Variants in ANLN observed in about 807,000 individuals in gnomAD.
ANLN encodes the protein anillin, actin binding protein, also known as anillin.
A neutral mutation model predicts 135.1 loss-of-function variants in ANLN; 59 were observed. The observed-to-expected ratio is 0.44, with a 90% confidence interval of 0.35 to 0.54. ANLN has a LOEUF of 0.54. Ranked by LOEUF, ANLN falls within the 20% of genes least tolerant of loss-of-function variation. ANLN has a pLI of 0.00. For synonymous variants in ANLN, 406 were observed against 456.4 expected (o/e 0.89, Z 1.41); for missense variants, 1,182 against 1,340.0 (o/e 0.88, Z 1.84).
rs769696767 is a variant in ANLN, at chr7:36,411,049, A to G, written c.1288-10A>G. 4 of 1,574,380 alleles carry G rather than the reference A, an allele frequency of 2.5e-6. No individual in the cohort carries two copies. The highest frequency in any genetic ancestry group is 1.7e-4 in the Middle Eastern group (1 of 5,884). ...GCTCTTGTGTAAAATACAGCTTTTG[A>G]TGGGTTTAGGAACGTCAAAAAGAAC... On this transcript the variant is annotated splice_polypyrimidine_tract_variant and intron_variant, in intron 6 of 23. Coordinates refer to ENST00000265748, the MANE Select transcript of ANLN (RefSeq NM_018685.5).
chr7:36,420,998 G>A (rs900784959), intron 12 of ANLN, among the ~76,000 whole-genome samples: 1 of 151,954 alleles, frequency 6.6e-6, no homozygotes, highest in African/African-American at 2.4e-5. Context: ...TATCCTTAAA[G>A]TATAACTATT....
chr7:36,448,117 C>T lies in ANLN; in HGVS notation c.3079-1548C>T, dbSNP rs548175903. Among the ~76,000 whole-genome samples, 47 of 152,176 alleles carry T rather than the reference C, an allele frequency of 3.1e-4. 1 individual carries two copies. The highest frequency in any genetic ancestry group is 1.1e-3 in the African/African-American group (45 of 41,512). ...GCAACCTTTGCCTCCTGGGCTCAAG[C>T]GATTCTCTGCCTCAGCCTCCCGAGT... On this transcript the variant is annotated intron_variant, in intron 22 of 23. Transcript: ENST00000265748.
intron 22 of ANLN, among the ~76,000 whole-genome samples, chr7:36,446,746 A>G (rs1234138430): frequency 6.6e-6 from 1 of 152,186 alleles, no homozygotes; most frequent in Non-Finnish European, 1.5e-5. Flanking sequence ...ATTCAACATG[A>G]GATCTGGGTG....
intron 20 of ANLN, among the ~76,000 whole-genome samples, chr7:36,431,433 T>C (rs1788301407): frequency 1.3e-5 from 2 of 151,848 alleles, no homozygotes; most frequent in Non-Finnish European, 2.9e-5. Flanking sequence ...CCATTCTTTT[T>C]CCCTGGGCAA....
At chr7:36,431,804 C>T (rs537800979) in intron 20 of ANLN, among the ~76,000 whole-genome samples, 1 of 151,652 alleles carries the variant, frequency 6.6e-6, no homozygotes, top group Admixed American at 6.6e-5. Flanking sequence ...TTACACAAAA[C>T]AGGAGTTAGC....
chr7:36,415,533 C>T (rs1391961322), intron 7 of ANLN, among the ~76,000 whole-genome samples: 1 of 151,990 alleles, frequency 6.6e-6, no homozygotes, highest in Non-Finnish European at 1.5e-5. Context: ...CACCTCCTCT[C>T]CAAAAAAATT....
Position 36,402,333 on chromosome 7 carries a change from A to G in ANLN, c.487+2940A>G, listed in dbSNP as rs11543677. On this transcript the variant is annotated intron_variant, in intron 3 of 23. Coordinates refer to ENST00000265748, the MANE Select transcript of ANLN (RefSeq NM_018685.5). ...TCACCATGTTGGCCAGGCTGGTCTCAAACTCCTGACCTCAGGTGATCCACC... is the reference window on the plus strand; with the variant it reads ...TCACCATGTTGGCCAGGCTGGTCTCGAACTCCTGACCTCAGGTGATCCACC... Among the ~76,000 whole-genome samples, 20 of 53,102 alleles carry G rather than the reference A, an allele frequency of 3.8e-4. 2 individuals are homozygous for G. Among genetic ancestry groups the G allele is most frequent in the South Asian group, 6.8e-4 (2 of 2,932 alleles). 34.8% of individuals were successfully genotyped at this position (53,102 alleles called of 152,430 possible).
intron 22 of ANLN, among the ~76,000 whole-genome samples, chr7:36,444,551 T>C (rs1291938164): frequency 6.6e-6 from 1 of 152,198 alleles, no homozygotes; most frequent in Non-Finnish European, 1.5e-5. Context: ...CAGTGGTTTG[T>C]ATTTTGTTTC....
chr7:36,391,849 G>A (rs188858056), intron 1 of ANLN, among the ~76,000 whole-genome samples: 1 of 152,220 alleles, frequency 6.6e-6, no homozygotes, highest in East Asian at 1.9e-4. Context: ...AACTCCAGTT[G>A]AGAAAGGTTA....
chr7:36,421,611 C>T (rs1280528374), intron 12 of ANLN, among the ~76,000 whole-genome samples: 1 of 152,028 alleles, frequency 6.6e-6, no homozygotes, highest in Non-Finnish European at 1.5e-5. Flanking sequence ...GATGTAACCC[C>T]AATTTTAACT....
intron 7 of ANLN, among the ~76,000 whole-genome samples, 154 bp downstream of exon 7, chr7:36,411,320 AC>A (rs1335192742): frequency 6.6e-6 from 1 of 151,982 alleles, no homozygotes; most frequent in African/African-American, 2.4e-5. Flanking sequence ...GTGTGTACCA[AC>A]TCTTGCTTTT....
Position 36,407,957 on chromosome 7 carries a change from G to A in ANLN, c.1096+1G>A, listed in dbSNP as rs1787261430. ...TCTAAAGACAAATCTACGACACCAG[G>A]TTACGTATTTATAAAAAATTTAGTT... On this transcript the variant is annotated splice_donor_variant, in intron 5 of 23. Transcript: ENST00000265748. LOFTEE classifies it high-confidence loss of function. 2 of 1,604,550 alleles carry A rather than the reference G, an allele frequency of 1.2e-6. No individual in the cohort carries two copies. The highest frequency in any genetic ancestry group is 1.3e-5 in the African/African-American group (1 of 74,226).
At chr7:36,436,207 A>G (rs555214718) in intron 20 of ANLN, among the ~76,000 whole-genome samples, 2 of 152,340 alleles carry the variant, frequency 1.3e-5, no homozygotes, top group African/African-American at 4.8e-5. Context: ...AAATGGGATC[A>G]TCATACAATA....
At chr7:36,412,327 A>ATATATT (rs1491401014) in intron 7 of ANLN, among the ~76,000 whole-genome samples, 990 of 94,772 alleles carry the variant, frequency 0.01, 10 homozygotes, top group East Asian at 0.023. Context: ...ATATATATAT[A>ATATATT]TTTTTTTTTT....
intron 16 of ANLN, 27 bp downstream of exon 16, chr7:36,424,620 A>T (rs759223598): frequency 1.3e-6 from 2 of 1,598,990 alleles, no homozygotes; most frequent in Non-Finnish European, 1.7e-6. Flanking sequence ...TTCTAAAATA[A>T]TGAAGAGTAT....
chr7:36,452,375 A>AT, intron 23 of ANLN, 102 bp from the exon 24 acceptor site: 1 of 1,473,136 alleles, frequency 6.8e-7, no homozygotes, highest in East Asian at 2.3e-5. Flanking sequence ...AAGGTAATTC[A>AT]TTTACTGGTT....
chr7:36,403,148 G>T (rs552123267), intron 3 of ANLN, among the ~76,000 whole-genome samples: 1 of 151,944 alleles, frequency 6.6e-6, no homozygotes, highest in Non-Finnish European at 1.5e-5. Flanking sequence ...ATATAATCTA[G>T]GTGCAAAGAG....
At chr7:36,410,849 A>G (rs370045396) in intron 6 of ANLN, 145 bp downstream of exon 6, 6 of 942,586 alleles carry the variant, frequency 6.4e-6, no homozygotes, top group African/African-American at 5.0e-5. Context: ...AAGATTGGGC[A>G]CATTCAGGGT....
chr7:36,402,497 C>T (rs1786995387), intron 3 of ANLN, among the ~76,000 whole-genome samples: 1 of 152,240 alleles, frequency 6.6e-6, no homozygotes, highest in Non-Finnish European at 1.5e-5. Flanking sequence ...AATTTTCACA[C>T]CAGCGCGATT....
Sources: gnomAD v4.1 joint callset for allele counts (sites outside exome capture counted in the v4.1 genomes callset) on GRCh38, gnomAD v4.1.1 for gene constraint, MANE v1.5 for transcripts, NCBI Gene and HGNC (gene_info 2026-07-23, HGNC 2026-07-21) for gene names.